Variants in GALNT18 observed in about 807,000 individuals in gnomAD.
The protein encoded by GALNT18 is polypeptide N-acetylgalactosaminyltransferase 18.
A neutral mutation model predicts 69.5 loss-of-function variants in GALNT18; 44 were observed. That is an observed-to-expected ratio of 0.63 (90% CI 0.50 to 0.81). The LOEUF (loss-of-function observed/expected upper bound fraction) is 0.81, where lower values mean the gene tolerates loss of function less well. Among genes scored for constraint, GALNT18 ranks in the 40% least tolerant of loss-of-function variants. GALNT18 has a pLI of 0.00. For missense variants in GALNT18, 715 were observed against 810.0 expected (o/e 0.88, Z 1.42); for synonymous variants, 364 against 318.2 (o/e 1.14, Z -1.53).
In GALNT18 at chr11:11,439,590, C is replaced by T. The variant is rs1855490131; in HGVS notation, c.429-6803G>A. Among the ~76,000 whole-genome samples the T allele has an allele frequency of 6.6e-6, 1 of 152,206 alleles. No homozygotes were observed. ...GATCATTTAACAAACGTCAGTGTCT[C>T]CACTAGACTATAAGCTGTACAAGGT... On this transcript the variant is annotated intron_variant, in intron 2 of 10. Transcript: ENST00000227756. The surrounding 1 kb of genome is among the most constrained non-coding windows in gnomAD (Gnocchi z 4.4).
chr11:11,483,959 G>C (rs1410414813), intron 1 of GALNT18, among the ~76,000 whole-genome samples: 1 of 152,092 alleles, frequency 6.6e-6, no homozygotes, highest in Non-Finnish European at 1.5e-5. Context: ...TGAAGGCCCC[G>C]AGCAAAGTTC....
chr11:11,585,338 A>G (rs111263311), intron 1 of GALNT18, among the ~76,000 whole-genome samples: 4,622 of 151,468 alleles, frequency 0.031, 219 homozygotes, highest in African/African-American at 0.11. Context: ...ATCTACATAT[A>G]TCTGTGAAGA....
chr11:11,561,295 C>T (rs575050869), intron 1 of GALNT18, among the ~76,000 whole-genome samples: 80 of 152,254 alleles, frequency 5.3e-4, no homozygotes, highest in Non-Finnish European at 9.1e-4. Context: ...CCACTCGCAA[C>T]GCCACCCAGG....
rs150050877 is a variant in GALNT18, at chr11:11,541,677, C to A, written c.235+79682G>T. Among the ~76,000 whole-genome samples the A allele has an allele frequency of 2.1e-4, 32 of 152,222 alleles. No homozygotes were observed. The highest frequency in any genetic ancestry group is 7.7e-4 in the African/African-American group (32 of 41,526). ...TCTCAAGGGCCTCATGCTAGTAAGG[C>A]CCCCTTCCCAGCCCCCACACCTCTA... On this transcript the variant is annotated intron_variant, in intron 1 of 10. Coordinates refer to ENST00000227756, the MANE Select transcript of GALNT18 (RefSeq NM_198516.3). This position sits in a 1 kb window ranked among gnomAD's most constrained non-coding sequence, Gnocchi z 4.8.
At chr11:11,491,572 T>C (rs1055724604) in intron 1 of GALNT18, among the ~76,000 whole-genome samples, 1 of 152,206 alleles carries the variant, frequency 6.6e-6, no homozygotes, top group Non-Finnish European at 1.5e-5. Context: ...ATCTAAAACC[T>C]CCCTATGGAT....
At chr11:11,468,664 G>A (rs770961390) in intron 1 of GALNT18, among the ~76,000 whole-genome samples, 1 of 152,084 alleles carries the variant, frequency 6.6e-6, no homozygotes, top group Non-Finnish European at 1.5e-5. Flanking sequence ...ACTCTTCATT[G>A]AGCCCCACTT....
At chr11:11,558,336 G>A (rs1259971801) in intron 1 of GALNT18, among the ~76,000 whole-genome samples, 1 of 152,154 alleles carries the variant, frequency 6.6e-6, no homozygotes, top group African/African-American at 2.4e-5. Flanking sequence ...AGATGCAATG[G>A]GATCCTTGAT....
At chr11:11,477,247 G>C (rs939416853) in intron 1 of GALNT18, among the ~76,000 whole-genome samples, 1 of 152,184 alleles carries the variant, frequency 6.6e-6, no homozygotes, top group African/African-American at 2.4e-5. Context: ...GCCCAGGAAG[G>C]CATCTTTCCA....
intron 1 of GALNT18, among the ~76,000 whole-genome samples, chr11:11,544,232 C>G (rs1857992786): frequency 6.6e-6 from 1 of 152,174 alleles, no homozygotes. Flanking sequence ...ATTGAGGGGA[C>G]CCAACCTTCA....
At chr11:11,521,559 A>T (rs1182839547) in intron 1 of GALNT18, among the ~76,000 whole-genome samples, 1 of 151,856 alleles carries the variant, frequency 6.6e-6, no homozygotes, top group South Asian at 2.1e-4. Flanking sequence ...CACGGAAGAA[A>T]CTCGAGGCCA....
chr11:11,594,455 T>C (rs1385159651), intron 1 of GALNT18, among the ~76,000 whole-genome samples: 1 of 152,172 alleles, frequency 6.6e-6, no homozygotes, highest in Non-Finnish European at 1.5e-5. Flanking sequence ...CTGTACCCAC[T>C]AGCAGTCATT....
Position 11,606,840 on chromosome 11 carries a change from T to C in GALNT18, c.235+14519A>G, listed in dbSNP as rs965167891. 3.3e-5 allele frequency among the ~76,000 whole-genome samples: 5 copies of C among 152,204 alleles called. No homozygotes were observed. The highest frequency in any genetic ancestry group is 1.2e-4 in the African/African-American group (5 of 41,450). ...CCTATCCAGGGCCTCCAGGACCCAGTAGAGGCTCCTCAGGGTAGTCCTCAA... is the reference window on the plus strand; with the variant it reads ...CCTATCCAGGGCCTCCAGGACCCAGCAGAGGCTCCTCAGGGTAGTCCTCAA... On this transcript the variant is annotated intron_variant, in intron 1 of 10. Coordinates refer to ENST00000227756, the MANE Select transcript of GALNT18 (RefSeq NM_198516.3). This position sits in a 1 kb window ranked among gnomAD's most constrained non-coding sequence, Gnocchi z 5.4.
At chr11:11,548,814 A>C (rs1414384023) in intron 1 of GALNT18, among the ~76,000 whole-genome samples, 1 of 152,380 alleles carries the variant, frequency 6.6e-6, no homozygotes, top group Admixed American at 6.5e-5. Context: ...CTGATGGCAG[A>C]AAACTCAACA....
At chr11:11,390,013 A>G (rs547699002) in intron 3 of GALNT18, among the ~76,000 whole-genome samples, 1 of 152,232 alleles carries the variant, frequency 6.6e-6, no homozygotes, top group South Asian at 2.1e-4. Context: ...TATGATTCTG[A>G]ATCCAAAATT....
intron 1 of GALNT18, among the ~76,000 whole-genome samples, chr11:11,574,825 G>A (rs1385478429): frequency 2.0e-5 from 3 of 152,236 alleles, no homozygotes; most frequent in Non-Finnish European, 4.4e-5. Context: ...AGAAGCATTA[G>A]TATAAATTAC....
intron 9 of GALNT18, among the ~76,000 whole-genome samples, chr11:11,313,519 T>A (rs1249539201): frequency 6.6e-6 from 1 of 152,190 alleles, no homozygotes; most frequent in Non-Finnish European, 1.5e-5. Flanking sequence ...CATGAGCAAG[T>A]GTGCACTGCA....
At chr11:11,609,793 T>C (rs1859851504) in intron 1 of GALNT18, among the ~76,000 whole-genome samples, 1 of 152,184 alleles carries the variant, frequency 6.6e-6, no homozygotes, top group Non-Finnish European at 1.5e-5. Flanking sequence ...ATTTCATACG[T>C]TTAACTCCAA....
intron 1 of GALNT18, among the ~76,000 whole-genome samples, chr11:11,593,578 AT>A (rs915558292): frequency 9.9e-5 from 15 of 151,674 alleles, no homozygotes; most frequent in Middle Eastern, 3.4e-3. Flanking sequence ...ACCACATCTA[AT>A]TTTTTTTTCT....
At chr11:11,426,452 T>C (rs1855132616) in intron 3 of GALNT18, among the ~76,000 whole-genome samples, 1 of 152,212 alleles carries the variant, frequency 6.6e-6, no homozygotes, top group African/African-American at 2.4e-5. Context: ...GGAGCCATGC[T>C]AAAATGCAGG....
Sources: gnomAD v4.1 joint callset for allele counts (sites outside exome capture counted in the v4.1 genomes callset) on GRCh38, gnomAD v4.1.1 for gene constraint, Gnocchi (gnomAD v3.1) non-coding constraint, MANE v1.5 for transcripts, NCBI Gene and HGNC (gene_info 2026-07-23, HGNC 2026-07-21) for gene names.